RBFOX1: variants seen among roughly 807,000 people sequenced by gnomAD.
RBFOX1 encodes RNA binding fox-1 homolog 1.
RBFOX1 carries 8 observed loss-of-function variants against 57.7 expected under a neutral mutation model. That is an observed-to-expected ratio of 0.14 (90% CI 0.08 to 0.25). RBFOX1 has a LOEUF of 0.25. Among genes scored for constraint, RBFOX1 ranks in the 10% least tolerant of loss-of-function variants. The pLI is 1.00. For synonymous variants in RBFOX1, 326 were observed against 222.4 expected, an observed-to-expected ratio of 1.47 and a Z score of -4.15; for missense variants, 611 against 548.5, an observed-to-expected ratio of 1.11 and a Z score of -1.14.
Position 6,624,810 on chromosome 16 carries a change from A to G in RBFOX1, c.-63-29793A>G, listed in dbSNP as rs142068012. Reference sequence around the variant, plus strand: ...TTTAATTTTTTCATTTTTTCAGTGAATACTTAGCACATACCATGTATAACC... The same window carrying G: ...TTTAATTTTTTCATTTTTTCAGTGAGTACTTAGCACATACCATGTATAACC... On this transcript the variant is annotated intron_variant, in intron 2 of 15. Coordinates refer to ENST00000550418, the MANE Select transcript of RBFOX1 (RefSeq NM_018723.4). Among the ~76,000 whole-genome samples, 933 of 152,258 alleles carry G rather than the reference A, an allele frequency of 6.1e-3. 3 individuals are homozygous for G. The highest frequency in any genetic ancestry group is 0.01 in the Non-Finnish European group (702 of 68,016).
chr16:7,584,692 G>A (rs1255217350), intron 6 of RBFOX1, among the ~76,000 whole-genome samples: 2 of 152,208 alleles, frequency 1.3e-5, no homozygotes, highest in East Asian at 1.9e-4. Flanking sequence ...TGCTAGTTAT[G>A]TCTGCGAATG....
chr16:7,507,458 C>A (rs561730257), intron 4 of RBFOX1, among the ~76,000 whole-genome samples: 14 of 152,004 alleles, frequency 9.2e-5, no homozygotes, highest in Admixed American at 2.6e-4. Flanking sequence ...TCAGAACTAT[C>A]TGGGGCAACT....
At chr16:5,574,442 C>T (rs1478315312) in intron 2 of RBFOX1, among the ~76,000 whole-genome samples, 12 of 145,076 alleles carry the variant, frequency 8.3e-5, no homozygotes, top group South Asian at 6.6e-4. Flanking sequence ...TTTTTTAAGA[C>T]GGTGTCTCTG....
chr16:6,809,531 A>C (rs74871291), intron 3 of RBFOX1, among the ~76,000 whole-genome samples: 4,458 of 152,212 alleles, frequency 0.029, 216 homozygotes, highest in South Asian at 0.15. Flanking sequence ...AGTGTGGAAT[A>C]AGTTTCTGTG....
chr16:5,685,574 G>A (rs1438031880), intron 3 of RBFOX1, among the ~76,000 whole-genome samples: 2 of 152,210 alleles, frequency 1.3e-5, no homozygotes, highest in Non-Finnish European at 2.9e-5. Context: ...TGATGCAACT[G>A]TTGATTAAAG....
At chr16:6,041,751 A>C (rs1451214189) in intron 1 of RBFOX1, among the ~76,000 whole-genome samples, 1 of 152,208 alleles carries the variant, frequency 6.6e-6, no homozygotes, top group Non-Finnish European at 1.5e-5. Context: ...GAAGACATCA[A>C]TGGGCGATGA....
intron 4 of RBFOX1, among the ~76,000 whole-genome samples, chr16:7,495,652 T>G (rs1314382337): frequency 6.6e-6 from 1 of 152,140 alleles, no homozygotes; most frequent in Non-Finnish European, 1.5e-5. Context: ...CCTTTGTCCA[T>G]TTTTTTGCAT....
At chr16:6,587,698 A>G (rs1480200971) in intron 2 of RBFOX1, among the ~76,000 whole-genome samples, 1 of 152,214 alleles carries the variant, frequency 6.6e-6, no homozygotes, top group East Asian at 1.9e-4. Flanking sequence ...AAACAGAGAG[A>G]TGATTTTTCA....
At chr16:5,992,550 T>TTG (rs1328030038) in intron 4 of RBFOX1, among the ~76,000 whole-genome samples, 1 of 152,032 alleles carries the variant, frequency 6.6e-6, no homozygotes, top group African/African-American at 2.4e-5. Flanking sequence ...GTGTGTGTGC[T>TTG]TGTGTGTGTG....
chr16:6,658,270 C>G (rs919029176), intron 3 of RBFOX1, among the ~76,000 whole-genome samples: 2 of 150,834 alleles, frequency 1.3e-5, no homozygotes, highest in Non-Finnish European at 2.9e-5. Flanking sequence ...CAGTCTCCCT[C>G]TGTCTCAAAT....
At chr16:5,253,963 G>A (rs2062520569) in intron 1 of RBFOX1, among the ~76,000 whole-genome samples, 1 of 148,098 alleles carries the variant, frequency 6.8e-6, no homozygotes, top group Non-Finnish European at 1.5e-5. Context: ...CTGCTTTCAT[G>A]ACACCAGGTA....
chr16:6,600,960 A>G (rs866415609), intron 2 of RBFOX1, among the ~76,000 whole-genome samples: 18 of 152,222 alleles, frequency 1.2e-4, no homozygotes, highest in African/African-American at 3.9e-4. Flanking sequence ...GTGAGAAAAT[A>G]TAGCCTCTTA....
intron 4 of RBFOX1, among the ~76,000 whole-genome samples, chr16:7,298,474 T>G (rs75248631): frequency 0.023 from 3,515 of 151,936 alleles, 96 homozygotes; most frequent in East Asian, 0.12. Context: ...GTATATTTGG[T>G]TGAGAGAGGG....
intron 1 of RBFOX1, among the ~76,000 whole-genome samples, chr16:5,267,178 C>T (rs1027007492): frequency 6.6e-6 from 1 of 152,190 alleles, no homozygotes; most frequent in African/African-American, 2.4e-5. Flanking sequence ...AAGCCCAAAG[C>T]ATTGAGCTTT....
At chr16:6,829,143 A>G (rs1268426076) in intron 3 of RBFOX1, among the ~76,000 whole-genome samples, 1 of 152,086 alleles carries the variant, frequency 6.6e-6, no homozygotes, top group African/African-American at 2.4e-5. Flanking sequence ...TTGTCTAATA[A>G]GTGGAAGGTG....
At chr16:7,101,746 C>G (rs1244037520) in intron 4 of RBFOX1, among the ~76,000 whole-genome samples, 1 of 152,164 alleles carries the variant, frequency 6.6e-6, no homozygotes, top group Non-Finnish European at 1.5e-5. Context: ...AGTACAGGTT[C>G]TGCTCTGATG....
At chr16:7,007,498 C>T (rs554886286) in intron 3 of RBFOX1, among the ~76,000 whole-genome samples, 3 of 152,154 alleles carry the variant, frequency 2.0e-5, no homozygotes, top group Non-Finnish European at 2.9e-5. Flanking sequence ...TGTCACGCAT[C>T]GTATTGACAG....
intron 14 of RBFOX1, among the ~76,000 whole-genome samples, chr16:7,680,639 C>CA (rs1410013920): frequency 6.6e-6 from 1 of 152,070 alleles, no homozygotes; most frequent in Non-Finnish European, 1.5e-5. Context: ...AATTGCGGCA[C>CA]CAGGCCACAC....
intron 3 of RBFOX1, among the ~76,000 whole-genome samples, chr16:5,845,731 GT>G (rs2151854934): frequency 1.3e-5 from 2 of 152,316 alleles, no homozygotes; most frequent in East Asian, 3.9e-4. Flanking sequence ...CATTTATAGG[GT>G]TCAGTGGCCA....
Sources: gnomAD v4.1 joint callset for allele counts (sites outside exome capture counted in the v4.1 genomes callset) on GRCh38, gnomAD v4.1.1 for gene constraint, MANE v1.5 for transcripts, NCBI Gene and HGNC (gene_info 2026-07-23, HGNC 2026-07-21) for gene names.